The following KBTBD11 variants were observed in gnomAD, a reference collection of about 807,000 sequenced individuals.
KBTBD11 encodes kelch repeat and BTB domain-containing protein 11.
For synonymous variants in KBTBD11, 747 were observed against 499.0 expected (o/e 1.50, Z -6.63); for missense variants, 1,390 against 1,001.8 (o/e 1.39, Z -5.23).
chr8:1,982,808 T>C (rs1349609700), intron 1 of KBTBD11, among the ~76,000 whole-genome samples: 1 of 151,790 alleles, frequency 6.6e-6, no homozygotes, highest in African/African-American at 2.4e-5. Flanking sequence ...AGTGGTGTGA[T>C]CTCAGCTCAC....
At chr8:1,998,172 A>G (rs1817214208) in intron 1 of KBTBD11, among the ~76,000 whole-genome samples, 1 of 152,230 alleles carries the variant, frequency 6.6e-6, no homozygotes, top group African/African-American at 2.4e-5. Flanking sequence ...AAATGTAAGT[A>G]TAAATGCAAG....
chr8:1,982,370 A>C (rs1193864535), intron 1 of KBTBD11, among the ~76,000 whole-genome samples: 1 of 152,202 alleles, frequency 6.6e-6, no homozygotes, highest in African/African-American at 2.4e-5. Flanking sequence ...ACCAGAAAAC[A>C]ATTAAGAAAA....
intron 1 of KBTBD11, among the ~76,000 whole-genome samples, chr8:1,987,274 C>T (rs564240178): frequency 6.6e-6 from 1 of 152,250 alleles, no homozygotes; most frequent in South Asian, 2.1e-4. Flanking sequence ...TGCAAAGCTT[C>T]CGAAATTCAA....
chr8:1,980,163 GAGATA>G (rs1816491284), intron 1 of KBTBD11, among the ~76,000 whole-genome samples: 1 of 151,364 alleles, frequency 6.6e-6, no homozygotes, highest in African/African-American at 2.4e-5. Context: ...GACAAATATT[GAGATA>G]AGAAGATAGA....
In KBTBD11 at chr8:1,973,754, C is replaced by T. The variant is rs979167231; in HGVS notation, c.-1090C>T. The T allele has an allele frequency of 2.0e-6, 2 of 983,832 alleles. No individual in the cohort carries two copies. The highest frequency in any genetic ancestry group is 1.2e-6 in the Non-Finnish European group (1 of 829,354). The allele number at this position is 983,832 out of a possible 1,614,324, so 60.9% of individuals were successfully genotyped here. On this transcript the variant is annotated 5_prime_UTR_variant, in exon 1 of 2. Transcript: ENST00000320248. ...GCCTGGAGAGGCGGAGAGGCCTGTC[C>T]ACCGCCCCCTCTGCCGCCCACGCCC...
At chr8:1,978,339 A>G (rs1436599608) in intron 1 of KBTBD11, among the ~76,000 whole-genome samples, 1 of 152,248 alleles carries the variant, frequency 6.6e-6, no homozygotes, top group Non-Finnish European at 1.5e-5. Flanking sequence ...GGTGCCACTC[A>G]GCACCAGATG....
intron 1 of KBTBD11, among the ~76,000 whole-genome samples, chr8:1,987,775 C>T (rs1367201016): frequency 2.0e-5 from 3 of 151,638 alleles, no homozygotes; most frequent in African/African-American, 7.3e-5. Flanking sequence ...GGTACATGTG[C>T]ACAACTTGCA....
Position 2,006,205 on chromosome 8 carries a change from A to C in KBTBD11, c.*3141A>C, listed in dbSNP as rs1207356080. On this transcript the variant is annotated 3_prime_UTR_variant, in exon 2 of 2. Coordinates refer to ENST00000320248, the MANE Select transcript of KBTBD11 (RefSeq NM_014867.3). ...GCTAATTTCTGGTGTCACTTCAGTA[A>C]TTCTGGTAGCAGCCGTTGAATCTGT... is the stretch of plus-strand genomic sequence containing the variant. 4 of 167,098 alleles carry C rather than the reference A, an allele frequency of 2.4e-5. No homozygotes were observed. The highest frequency in any genetic ancestry group is 4.4e-5 in the Non-Finnish European group (3 of 68,118). 10.4% of individuals were successfully genotyped at this position (167,098 alleles called of 1,614,324 possible). A position where few individuals can be genotyped will look rare whatever the true frequency, so the allele number is the denominator to read the frequency against.
Position 2,002,695 on chromosome 8 carries a change from C to T in KBTBD11, c.1503C>T (p.Phe501=). ...RSADMVALDG[F]IYRFDLSGSR... Reference sequence around the variant, plus strand: ...CCGACATGGTGGCTCTCGACGGCTTCATCTACCGCTTCGATCTGAGCGGCA... The same window carrying T: ...CCGACATGGTGGCTCTCGACGGCTTTATCTACCGCTTCGATCTGAGCGGCA... The change falls in exon 2 of 2, where the codon TTC becomes TTT. Residue 501 remains phenylalanine (F), a synonymous_variant. Coordinates refer to ENST00000320248, the MANE Select transcript of KBTBD11 (RefSeq NM_014867.3). The surrounding 1 kb of genome is among the most constrained non-coding windows in gnomAD (Gnocchi z 4.1). 1.3e-6 allele frequency: 2 copies of T among 1,554,232 alleles called. No homozygotes were observed. The highest frequency in any genetic ancestry group is 1.7e-6 in the Non-Finnish European group (2 of 1,159,106).
chr8:1,985,229 G>A (rs1384314694), intron 1 of KBTBD11, among the ~76,000 whole-genome samples: 2 of 152,246 alleles, frequency 1.3e-5, no homozygotes, highest in African/African-American at 2.4e-5. Context: ...CACCTCGTGA[G>A]GTGTCCACTG....
chr8:1,974,083 G>C, intron 1 of KBTBD11, 148 bp downstream of exon 1: 2 of 324,066 alleles, frequency 6.2e-6, no homozygotes, highest in Non-Finnish European at 8.2e-6. Flanking sequence ...GCCGGCAGGG[G>C]AGAGGCGGGG....
chr8:2,002,408 C>T lies in KBTBD11; in HGVS notation c.1216C>T (p.Arg406Trp). ...RPLRQARSQL[R>W]LLALDGHLYA... ...CCTGCGCCAGGCGCGCTCGCAGCTGCGGCTGCTGGCCCTGGACGGTCACCT... is the reference window on the plus strand; with the variant it reads ...CCTGCGCCAGGCGCGCTCGCAGCTGTGGCTGCTGGCCCTGGACGGTCACCT... The change falls in exon 2 of 2, where the codon CGG (arginine) becomes TGG (tryptophan). Residue 406 changes from arginine to tryptophan, a missense_variant. Physicochemically the swap from Arg to Trp is moderately radical, Grantham distance 101 (BLOSUM62 -3). Transcript: ENST00000320248. This position sits in a 1 kb window ranked among gnomAD's most constrained non-coding sequence, Gnocchi z 4.1. 1.3e-6 allele frequency: 2 copies of T among 1,482,450 alleles called. No individual in the cohort carries two copies. The highest frequency in any genetic ancestry group is 1.8e-6 in the Non-Finnish European group (2 of 1,122,864). 91.8% of individuals were successfully genotyped at this position (1,482,450 alleles called of 1,614,324 possible).
chr8:1,984,028 G>T (rs1012063173), intron 1 of KBTBD11, among the ~76,000 whole-genome samples: 5 of 152,212 alleles, frequency 3.3e-5, no homozygotes, highest in Non-Finnish European at 5.9e-5. Flanking sequence ...TACTCGGGAG[G>T]CTGAAGCAGG....
In KBTBD11 at chr8:2,001,561, CG is replaced by C; in HGVS notation, c.373del (p.Glu125SerfsTer55). 1 of 1,433,626 alleles carries C rather than the reference CG, an allele frequency of 7.0e-7. No individual in the cohort carries two copies. Among genetic ancestry groups the C allele is most frequent in the Non-Finnish European group, 9.1e-7 (1 of 1,096,736 alleles). The allele number at this position is 1,433,626 out of a possible 1,614,324, so 88.8% of individuals were successfully genotyped here. A position where few individuals can be genotyped will look rare whatever the true frequency, so the allele number is the denominator to read the frequency against. ...LEDPASPEEP[G>X]EPAPVPPGFG... is the part of the protein sequence containing the mutation. ...AGGACCCCGCGTCCCCCGAGGAGCC[CG>C]GGGAGCCCGCGCCCGTACCCCCGGG... On this transcript the variant is annotated frameshift_variant, in exon 2 of 2. Coordinates refer to ENST00000320248, the MANE Select transcript of KBTBD11 (RefSeq NM_014867.3). LOFTEE classifies it low-confidence loss of function (END_TRUNC).
chr8:1,986,400 C>T (rs370439500), intron 1 of KBTBD11, among the ~76,000 whole-genome samples: 7 of 152,150 alleles, frequency 4.6e-5, no homozygotes, highest in African/African-American at 1.2e-4. Flanking sequence ...TTTATACCAA[C>T]GATGCAAATA....
At chr8:1,998,092 A>G (rs1462747116) in intron 1 of KBTBD11, among the ~76,000 whole-genome samples, 1 of 152,216 alleles carries the variant, frequency 6.6e-6, no homozygotes, top group East Asian at 1.9e-4. Context: ...AAATGCTCCA[A>G]AATCTGAACT....
At position 2,001,566 on chromosome 8, in the gene KBTBD11, AGCCCGC is replaced by A. The variant is rs1192059058; in HGVS notation, c.380_385del (p.Ala127_Pro128del). 2 of 1,439,814 alleles carry A rather than the reference AGCCCGC, an allele frequency of 1.4e-6. No homozygotes were observed. Among genetic ancestry groups the A allele is most frequent in the Non-Finnish European group, 9.1e-7 (1 of 1,101,894 alleles). The allele number at this position is 1,439,814 out of a possible 1,614,324, so 89.2% of individuals were successfully genotyped here. A position where few individuals can be genotyped will look rare whatever the true frequency, so the allele number is the denominator to read the frequency against. The stretch of plus-strand genomic sequence containing the variant: ...CCCGCGTCCCCCGAGGAGCCCGGGG[AGCCCGC>A]GCCCGTACCCCCGGGGTTCGGGGCG... On this transcript the variant is annotated inframe_deletion, in exon 2 of 2. Transcript: ENST00000320248.
chr8:1,988,706 G>C (rs189722062), intron 1 of KBTBD11, among the ~76,000 whole-genome samples: 1 of 152,152 alleles, frequency 6.6e-6, no homozygotes, highest in Non-Finnish European at 1.5e-5. Flanking sequence ...GTGGCTCAAC[G>C]CTTGCCTTCT....
In KBTBD11 at chr8:2,001,453, C is replaced by G; in HGVS notation, c.261C>G (p.Ser87=). 2 of 1,361,052 alleles carry G rather than the reference C, an allele frequency of 1.5e-6. No homozygotes were observed. Among genetic ancestry groups the G allele is most frequent in the Non-Finnish European group, 1.9e-6 (2 of 1,065,544 alleles). 84.3% of individuals were successfully genotyped at this position (1,361,052 alleles called of 1,614,324 possible). The part of the protein sequence containing the change: ...QWEAGSAGAA[S]PEELASPEER... ...AGGCCGGCAGCGCGGGCGCCGCGTC[C>G]CCGGAGGAGCTCGCGTCCCCTGAGG... The change falls in exon 2 of 2, where the codon TCC becomes TCG. Residue 87 remains serine (S), a synonymous_variant. Coordinates refer to ENST00000320248, the MANE Select transcript of KBTBD11 (RefSeq NM_014867.3).
Sources: gnomAD v4.1 joint callset for allele counts (sites outside exome capture counted in the v4.1 genomes callset) on GRCh38, gnomAD v4.1.1 for gene constraint, Gnocchi (gnomAD v3.1) non-coding constraint, MANE v1.5 for transcripts, NCBI Gene and HGNC (gene_info 2026-07-23, HGNC 2026-07-21) for gene names.